Variants in PPM1K observed in about 807,000 individuals in gnomAD.
The protein encoded by PPM1K is protein phosphatase, Mg2+/Mn2+ dependent 1K.
PPM1K carries 19 observed loss-of-function variants against 32.6 expected under a neutral mutation model. That is an observed-to-expected ratio of 0.58 (90% CI 0.41 to 0.86). The LOEUF is 0.86. Among genes scored for constraint, PPM1K ranks in the 40% least tolerant of loss-of-function variants. The probability of loss-of-function intolerance (pLI) is 0.00; values close to 1 mark genes in which losing one functional copy is unlikely to be tolerated. For missense variants in PPM1K, 362 were observed against 461.2 expected (o/e 0.78, Z 1.97); for synonymous variants, 159 against 165.3 (o/e 0.96, Z 0.29).
At chr4:88,265,972 C>A (rs1238969695) in intron 5 of PPM1K, among the ~76,000 whole-genome samples, 1 of 152,130 alleles carries the variant, frequency 6.6e-6, no homozygotes. Context: ...AGCAGAGGTG[C>A]ATTGACCTCT....
rs143378240 is a variant in PPM1K at position 88,259,625 on chromosome 4, A to G, written c.*2970T>C. The G allele has an allele frequency of 2.6e-5, 4 of 152,178 alleles. No individual in the cohort carries two copies. Among genetic ancestry groups the G allele is most frequent in the Admixed American group, 6.5e-5 (1 of 15,280 alleles). The allele number at this position is 152,178 out of a possible 1,614,324, so 9.4% of individuals were successfully genotyped here. On this transcript the variant is annotated 3_prime_UTR_variant, in exon 7 of 7. Transcript: ENST00000608933. ...TATTTTCCAGTATCCTAATACATGC[A>G]TACTTATCTTTTATAGATTATAATA... is the stretch of plus-strand genomic sequence containing the variant.
chr4:88,283,054 A>G (rs1732079386), intron 1 of PPM1K, among the ~76,000 whole-genome samples: 2 of 152,326 alleles, frequency 1.3e-5, no homozygotes, highest in East Asian at 1.9e-4. Flanking sequence ...ACACACACAC[A>G]CGCACGTGCT....
At position 88,257,696 on chromosome 4, in the gene PPM1K, T is replaced by C. The variant is rs552426970; in HGVS notation, c.*4899A>G. 3.3e-5 allele frequency: 5 copies of C among 152,352 alleles called. No homozygotes were observed. Among genetic ancestry groups the C allele is most frequent in the African/African-American group, 1.2e-4 (5 of 41,580 alleles). The allele number at this position is 152,352 out of a possible 1,614,324, so 9.4% of individuals were successfully genotyped here. On this transcript the variant is annotated 3_prime_UTR_variant, in exon 7 of 7. Coordinates refer to ENST00000608933, the MANE Select transcript of PPM1K (RefSeq NM_152542.5). The stretch of plus-strand genomic sequence containing the variant: ...GTGATTTCATTCTGCTCACAGTTAC[T>C]CTAGTACACAGATTTAAAACAATGG...
chr4:88,265,412 G>A (rs1180428107), intron 5 of PPM1K, among the ~76,000 whole-genome samples: 3 of 152,132 alleles, frequency 2.0e-5, no homozygotes, highest in Non-Finnish European at 4.4e-5. Context: ...AAGATCTGAT[G>A]GTTTTATAAA....
rs148422920 is a variant in PPM1K, at chr4:88,268,807, C to T, written c.641G>A (p.Cys214Tyr). The T allele has an allele frequency of 2.9e-5, 47 of 1,613,866 alleles. No individual in the cohort carries two copies. The highest frequency in any genetic ancestry group is 3.8e-5 in the Non-Finnish European group (45 of 1,179,944). The change falls in exon 4 of 7, where the codon TGT (cysteine) becomes TAT (tyrosine). Residue 214 changes from cysteine (C) to tyrosine (Y), a missense_variant. By Grantham distance (194) the Cys-to-Tyr change is radical. Coordinates refer to ENST00000608933, the MANE Select transcript of PPM1K (RefSeq NM_152542.5). The stretch of plus-strand genomic sequence containing the variant: ...CAGCTTCATGGGTTTTCCTTTTCTA[C>T]ACAAAATAGCCCGGCTGTCCCCAAC... ...ASVGDSRAIL[C>Y]RKGKPMKLTI... is the part of the protein sequence containing the mutation.
Position 88,262,563 on chromosome 4 carries a change from G to C in PPM1K, c.*32C>G, listed in dbSNP as rs560648021. The C allele has an allele frequency of 1.1e-5, 18 of 1,609,532 alleles. No homozygotes were observed. The South Asian group carries it at 2.0e-4, about 18-fold the overall frequency. ...TTCTTGACATGCTCAGTGAAAAACT[G>C]TTGCACAGAAACTCTAAGTCCCAGC... On this transcript the variant is annotated 3_prime_UTR_variant, in exon 7 of 7. Transcript: ENST00000608933.
chr4:88,278,040 C>T lies in PPM1K; in HGVS notation c.440+104G>A, dbSNP rs2110170950. The stretch of plus-strand genomic sequence containing the variant: ...CATTCGTGAAGCAGCAGCATGCAAC[C>T]ACTCAAGTAACTATGTTTACGCTGG... On this transcript the variant is annotated intron_variant, in intron 2 of 6. Transcript: ENST00000608933. This position sits in a 1 kb window ranked among gnomAD's most constrained non-coding sequence, Gnocchi z 4.2. 3 of 876,214 alleles carry T rather than the reference C, an allele frequency of 3.4e-6. No individual in the cohort carries two copies. The East Asian group carries it at 7.8e-5, about 23-fold the overall frequency. 54.3% of individuals were successfully genotyped at this position (876,214 alleles called of 1,614,324 possible). A position where few individuals can be genotyped will look rare whatever the true frequency, so the allele number is the denominator to read the frequency against.
chr4:88,284,168 GCC>G (rs927366892), intron 1 of PPM1K: 3 of 151,994 alleles, frequency 2.0e-5, no homozygotes, highest in African/African-American at 4.8e-5. Context: ...GCCCAGCTGG[GCC>G]CCGCCTCACC....
chr4:88,264,462 A>G (rs1028730180), intron 6 of PPM1K, among the ~76,000 whole-genome samples: 16 of 152,184 alleles, frequency 1.1e-4, no homozygotes, highest in African/African-American at 9.7e-5. Context: ...TATATCTTCA[A>G]ATTGGATATT....
At chr4:88,263,409 C>G (rs1386260813) in intron 6 of PPM1K, among the ~76,000 whole-genome samples, 2 of 152,074 alleles carry the variant, frequency 1.3e-5, no homozygotes, top group African/African-American at 2.4e-5. Context: ...TTATTAAAAG[C>G]TCTAGAACAT....
At chr4:88,273,872 C>A (rs1731660073) in intron 3 of PPM1K, among the ~76,000 whole-genome samples, 1 of 152,086 alleles carries the variant, frequency 6.6e-6, no homozygotes, top group Non-Finnish European at 1.5e-5. Flanking sequence ...AAATTGCACA[C>A]CTAGGCCTAA....
At chr4:88,266,363 G>C (rs528308894) in intron 5 of PPM1K, among the ~76,000 whole-genome samples, 2 of 152,218 alleles carry the variant, frequency 1.3e-5, no homozygotes, top group Non-Finnish European at 2.9e-5. Context: ...AGTTGGGGCA[G>C]CTTCCAAGTG....
chr4:88,279,768 C>T (rs1013810468), intron 1 of PPM1K: 1 of 152,120 alleles, frequency 6.6e-6, no homozygotes, highest in African/African-American at 2.4e-5. Flanking sequence ...TTACTTTATT[C>T]TTTTAAAATC....
Position 88,278,695 on chromosome 4 carries a change from G to A in PPM1K, c.-59-53C>T. ...GGGACAGAGGGAGAGAGGGGCAGAG[G>A]AGGAGAGGGAGAGAGACAGAGAGAG... is the stretch of plus-strand genomic sequence containing the variant. On this transcript the variant is annotated intron_variant, in intron 1 of 6. Transcript: ENST00000608933. The surrounding 1 kb of genome is among the most constrained non-coding windows in gnomAD (Gnocchi z 4.2). The A allele has an allele frequency of 5.0e-6, 4 of 800,136 alleles. No homozygotes were observed. The highest frequency in any genetic ancestry group is 7.8e-6 in the Non-Finnish European group (4 of 511,172). The allele number at this position is 800,136 out of a possible 1,614,324, so 49.6% of individuals were successfully genotyped here.
intron 6 of PPM1K, among the ~76,000 whole-genome samples, chr4:88,263,657 GCTGGT>G (rs1731207155): frequency 3.9e-5 from 6 of 151,984 alleles, no homozygotes. Flanking sequence ...TGTTGCCCAA[GCTGGT>G]CTTGAACTCC....
Position 88,278,440 on chromosome 4 carries a change from A to G in PPM1K, c.144T>C (p.Ser48=). The G allele has an allele frequency of 6.2e-7, 1 of 1,614,172 alleles. No individual in the cohort carries two copies. Among genetic ancestry groups the G allele is most frequent in the African/African-American group, 1.3e-5 (1 of 75,030 alleles). The part of the protein sequence containing the change: ...CHSSTSEPRC[S]RFDPDGSGSP... Reference sequence around the variant, plus strand: ...TCCCACTACCATCTGGGTCAAACCGAGAACACCTAGGCTCTGAAGTGGAGC... The same window carrying G: ...TCCCACTACCATCTGGGTCAAACCGGGAACACCTAGGCTCTGAAGTGGAGC... Residue 48 remains serine, a synonymous_variant, in exon 2 of 7, where the codon TCT becomes TCC. Coordinates refer to ENST00000608933, the MANE Select transcript of PPM1K (RefSeq NM_152542.5). This position sits in a 1 kb window ranked among gnomAD's most constrained non-coding sequence, Gnocchi z 4.2.
At position 88,262,064 on chromosome 4, in the gene PPM1K, CAGA is replaced by C. The variant is rs1364836029; in HGVS notation, c.*528_*530del. The C allele has an allele frequency of 6.6e-6, 1 of 151,942 alleles. No homozygotes were observed. The highest frequency in any genetic ancestry group is 2.4e-5 in the African/African-American group (1 of 41,240). The allele number at this position is 151,942 out of a possible 1,614,324, so 9.4% of individuals were successfully genotyped here. On this transcript the variant is annotated 3_prime_UTR_variant, in exon 7 of 7. Coordinates refer to ENST00000608933, the MANE Select transcript of PPM1K (RefSeq NM_152542.5). ...TGGTTGCTTTCACCAGTAAGTGGTC[CAGA>C]ATACAAAATATGGTAACAGAGAACT...
intron 3 of PPM1K, among the ~76,000 whole-genome samples, chr4:88,273,679 CAAA>C (rs72431742): frequency 1.1e-4 from 11 of 101,184 alleles, no homozygotes; most frequent in Admixed American, 1.1e-4. Context: ...AAAACTGTCT[CAAA>C]AAAAAAAAAA....
rs774293644 is a variant in PPM1K, at chr4:88,277,198, C to T, written c.486G>A (p.Leu162=). The T allele has an allele frequency of 4.3e-6, 7 of 1,614,052 alleles. No individual in the cohort carries two copies. Among genetic ancestry groups the T allele is most frequent in the Non-Finnish European group, 5.9e-6 (7 of 1,179,966 alleles). ...KEKNLETLLT[L]AFLEIDKAFS... ...AGGCTTTATCTATTTCTAGAAAAGCCAAGGTCAACAGAGTTTCCAAGTTCT... is the reference window on the plus strand; with the variant it reads ...AGGCTTTATCTATTTCTAGAAAAGCTAAGGTCAACAGAGTTTCCAAGTTCT... The change falls in exon 3 of 7, where the codon TTG becomes TTA. Residue 162 remains leucine, a synonymous_variant. Transcript: ENST00000608933.
Sources: gnomAD v4.1 joint callset for allele counts (sites outside exome capture counted in the v4.1 genomes callset) on GRCh38, gnomAD v4.1.1 for gene constraint, Gnocchi (gnomAD v3.1) non-coding constraint, MANE v1.5 for transcripts, NCBI Gene and HGNC (gene_info 2026-07-23, HGNC 2026-07-21) for gene names.